SCLY: variants seen among roughly 807,000 people sequenced by gnomAD.
SCLY encodes selenocysteine lyase.
In SCLY, 38 loss-of-function variants were observed where a neutral mutation model predicts 50.1. The observed-to-expected ratio is 0.76, with a 90% CI of 0.59 to 0.99. The LOEUF (loss-of-function observed/expected upper bound fraction) is 0.99, where lower values mean the gene tolerates loss of function less well. SCLY is among the 50% of genes least tolerant of loss of function. The probability of loss-of-function intolerance (pLI) is 0.00; values close to 1 mark genes in which losing one functional copy is unlikely to be tolerated. For synonymous variants in SCLY, 243 were observed against 249.4 expected, an observed-to-expected ratio of 0.97 and a Z score of 0.24; for missense variants, 600 against 620.0, an observed-to-expected ratio of 0.97 and a Z score of 0.34.
intron 4 of SCLY, chr2:238,079,068 C>CTTTTTTTTTTTT (rs59238768): frequency 6.4e-5 from 6 of 93,188 alleles, no homozygotes; most frequent in Non-Finnish European, 1.0e-4. Context: ...CTTTCTTTTT[C>CTTTTTTTTTTTT]TTTTTTTTTT....
In SCLY at chr2:238,083,162, C is replaced by T. The variant is rs770016963; in HGVS notation, c.778-86C>T. 2 of 939,678 alleles carry T rather than the reference C, an allele frequency of 2.1e-6. No individual in the cohort carries two copies. Among genetic ancestry groups the T allele is most frequent in the South Asian group, 1.3e-5 (1 of 76,810 alleles). The allele number at this position is 939,678 out of a possible 1,614,324, so 58.2% of individuals were successfully genotyped here. ...GGACTATGCATTGCAGAGCATTTCT[C>T]CTGTGTGCCCCTAAGCACTTAGCAT... On this transcript the variant is annotated intron_variant, in intron 6 of 11. Transcript: ENST00000254663. This position sits in a 1 kb window ranked among gnomAD's most constrained non-coding sequence, Gnocchi z 4.3.
chr2:238,098,366 G>T lies in SCLY; in HGVS notation c.*11G>T, dbSNP rs376812888. On this transcript the variant is annotated 3_prime_UTR_variant, in exon 12 of 12. Coordinates refer to ENST00000254663, the MANE Select transcript of SCLY (RefSeq NM_016510.7). Reference sequence around the variant, plus strand: ...GAGGACCAGGCCTAGCACTGGGGCCGCCTTCCCCACCCCGCTTCTGGGAAG... The same window carrying T: ...GAGGACCAGGCCTAGCACTGGGGCCTCCTTCCCCACCCCGCTTCTGGGAAG... The T allele has an allele frequency of 3.8e-6, 6 of 1,580,444 alleles. No homozygotes were observed. Among genetic ancestry groups the T allele is most frequent in the Non-Finnish European group, 5.1e-6 (6 of 1,166,052 alleles).
chr2:238,061,470 A>T, intron 1 of SCLY: 1 of 435,198 alleles, frequency 2.3e-6, no homozygotes, highest in Non-Finnish European at 4.3e-6. Flanking sequence ...GCCGGAGGTG[A>T]ACCGGCAGAG....
chr2:238,064,982 A>C (rs1287815549), intron 2 of SCLY: 1 of 152,238 alleles, frequency 6.6e-6, no homozygotes, highest in African/African-American at 2.4e-5. Flanking sequence ...AATTTGCTTC[A>C]AGTCAGTTAT....
intron 1 of SCLY, chr2:238,061,507 G>A (rs2065018223): frequency 2.8e-6 from 1 of 358,054 alleles, no homozygotes; most frequent in African/African-American, 2.2e-5. Context: ...GAACTTTGGG[G>A]TTCATTCGGA....
intron 4 of SCLY, among the ~76,000 whole-genome samples, chr2:238,074,778 G>A (rs189180218): frequency 7.3e-4 from 111 of 152,228 alleles, no homozygotes; most frequent in African/African-American, 1.6e-3. Context: ...GCCACCATGC[G>A]TGGCCTAATT....
chr2:238,083,156 A>T lies in SCLY; in HGVS notation c.778-92A>T, dbSNP rs2065255774. ...GCAGCAGGACTATGCATTGCAGAGC[A>T]TTTCTCCTGTGTGCCCCTAAGCACT... On this transcript the variant is annotated intron_variant, in intron 6 of 11. Transcript: ENST00000254663. This position sits in a 1 kb window ranked among gnomAD's most constrained non-coding sequence, Gnocchi z 4.3. The T allele has an allele frequency of 3.3e-6, 3 of 908,766 alleles. No homozygotes were observed. Among genetic ancestry groups the T allele is most frequent in the Non-Finnish European group, 5.6e-6 (3 of 539,660 alleles). 56.3% of individuals were successfully genotyped at this position (908,766 alleles called of 1,614,324 possible). A position where few individuals can be genotyped will look rare whatever the true frequency, so the allele number is the denominator to read the frequency against.
chr2:238,069,261 G>C lies in SCLY; in HGVS notation c.304-36G>C. Reference sequence around the variant, plus strand: ...TTGCTCTGACCCTTACCTCAGCACAGTTTTTGTAAATGCTTTTTTTGCTGT... The same window carrying C: ...TTGCTCTGACCCTTACCTCAGCACACTTTTTGTAAATGCTTTTTTTGCTGT... On this transcript the variant is annotated intron_variant, in intron 3 of 11. Transcript: ENST00000254663. This position sits in a 1 kb window ranked among gnomAD's most constrained non-coding sequence, Gnocchi z 5.0. The C allele has an allele frequency of 2.5e-6, 4 of 1,602,768 alleles. No individual in the cohort carries two copies. The highest frequency in any genetic ancestry group is 3.4e-6 in the Non-Finnish European group (4 of 1,173,540).
At position 238,076,834 on chromosome 2, in the gene SCLY, T is replaced by C. The variant is rs566442744; in HGVS notation, c.485-4875T>C. Reference sequence around the variant, plus strand: ...CTTCCATAAGAGCTAGAAAATACTTTGATTTAAATTCTTTAATTTTTTTTA... The same window carrying C: ...CTTCCATAAGAGCTAGAAAATACTTCGATTTAAATTCTTTAATTTTTTTTA... On this transcript the variant is annotated intron_variant, in intron 4 of 11. Coordinates refer to ENST00000254663, the MANE Select transcript of SCLY (RefSeq NM_016510.7). 2.0e-5 allele frequency among the ~76,000 whole-genome samples: 3 copies of C among 152,342 alleles called. No individual in the cohort carries two copies. The South Asian group carries it at 6.2e-4, about 32-fold the overall frequency.
chr2:238,091,561 G>GCT, intron 8 of SCLY: 62 of 302,538 alleles, frequency 2.0e-4, no homozygotes, highest in South Asian at 5.7e-4. Context: ...ATTCCCAAAG[G>GCT]CGTCGGCAGC....
chr2:238,077,731 G>A (rs2065187775), intron 4 of SCLY, among the ~76,000 whole-genome samples: 1 of 152,142 alleles, frequency 6.6e-6, no homozygotes, highest in African/African-American at 2.4e-5. Context: ...TCCCGGCCAG[G>A]CAGTCATCTG....
chr2:238,063,364 T>C (rs2065037469), intron 1 of SCLY, among the ~76,000 whole-genome samples: 1 of 151,874 alleles, frequency 6.6e-6, no homozygotes, highest in Non-Finnish European at 1.5e-5. Flanking sequence ...GCAATTCTTC[T>C]GCCCCAGCCT....
chr2:238,082,558 G>T (rs1210876290), intron 6 of SCLY, among the ~76,000 whole-genome samples: 2 of 152,268 alleles, frequency 1.3e-5, no homozygotes, highest in Non-Finnish European at 2.9e-5. Flanking sequence ...CATCTGCAGA[G>T]GGTGTGGGGT....
Position 238,061,086 on chromosome 2 carries a change from C to T in SCLY, c.32C>T (p.Ala11Val), listed in dbSNP as rs768491417. The change falls in exon 1 of 12, where the codon GCG becomes GTG. Residue 11 changes from alanine (A) to valine (V), a missense_variant. Coordinates refer to ENST00000254663, the MANE Select transcript of SCLY (RefSeq NM_016510.7). ...GCGGCCGTGGCGCCGGGGAGGGATG[C>T]GCCGGCACCCGCGGCGAGTCAGCCC... MEAAVAPGRD[A>V]PAPAASQPSG... 7.2e-6 allele frequency: 10 copies of T among 1,397,562 alleles called. No homozygotes were observed. Among genetic ancestry groups the T allele is most frequent in the Non-Finnish European group, 9.2e-6 (10 of 1,086,944 alleles). 86.6% of individuals were successfully genotyped at this position (1,397,562 alleles called of 1,614,324 possible).
intron 7 of SCLY, among the ~76,000 whole-genome samples, chr2:238,085,083 A>G (rs977578863): frequency 6.6e-6 from 1 of 152,156 alleles, no homozygotes; most frequent in East Asian, 1.9e-4. Context: ...CATACCAAGA[A>G]CTAGAAAGAT....
At chr2:238,097,912 G>A (rs748260130) in intron 11 of SCLY, among the ~76,000 whole-genome samples, 3 of 152,130 alleles carry the variant, frequency 2.0e-5, no homozygotes, top group Non-Finnish European at 4.4e-5. Flanking sequence ...TCAAGGACAG[G>A]AGAGCCCCTG....
intron 4 of SCLY, among the ~76,000 whole-genome samples, chr2:238,072,019 G>A (rs2065133195): frequency 6.6e-6 from 1 of 151,850 alleles, no homozygotes; most frequent in African/African-American, 2.4e-5. Context: ...ATTCTCGCCA[G>A]CCCCAAAAGA....
At chr2:238,074,018 G>C (rs2065150232) in intron 4 of SCLY, among the ~76,000 whole-genome samples, 1 of 152,066 alleles carries the variant, frequency 6.6e-6, no homozygotes, top group African/African-American at 2.4e-5. Flanking sequence ...AGTTTGCAGG[G>C]AGCTGGCTGG....
At chr2:238,086,978 C>T (rs146659558) in intron 7 of SCLY, among the ~76,000 whole-genome samples, 2,146 of 151,304 alleles carry the variant, frequency 0.014, 40 homozygotes, top group African/African-American at 0.049. Flanking sequence ...GAGATCGCAC[C>T]ACTGCACGCC....
Sources: allele counts gnomAD v4.1 joint callset (sites outside exome capture counted in the v4.1 genomes callset), GRCh38; gene constraint gnomAD v4.1.1; non-coding constraint Gnocchi (gnomAD v3.1); transcripts MANE v1.5; gene names NCBI Gene and HGNC (gene_info 2026-07-23, HGNC 2026-07-21).